The following DNAJC13 variants were observed in gnomAD, a reference collection of about 807,000 sequenced individuals.
The protein encoded by DNAJC13 is dnaJ homolog subfamily C member 13.
In DNAJC13, 75 loss-of-function variants were observed where a neutral mutation model predicts 290.5. The observed-to-expected ratio is 0.26, with a 90% confidence interval of 0.21 to 0.31. The LOEUF (loss-of-function observed/expected upper bound fraction) is 0.31. Among genes scored for constraint, DNAJC13 ranks in the 10% least tolerant of loss-of-function variants. The pLI is 1.00. For synonymous variants in DNAJC13, 862 were observed against 892.0 expected, an observed-to-expected ratio of 0.97 and a Z score of 0.60; for missense variants, 2,260 against 2,674.5, an observed-to-expected ratio of 0.85 and a Z score of 3.42.
intron 5 of DNAJC13, among the ~76,000 whole-genome samples, chr3:132,449,401 G>A (rs1933354739): frequency 6.6e-6 from 1 of 152,134 alleles, no homozygotes; most frequent in South Asian, 2.1e-4. Context: ...ATGTAAACAA[G>A]TATAGTTTGG....
chr3:132,470,694 G>A, intron 20 of DNAJC13, among the ~76,000 whole-genome samples: 1 of 126,800 alleles, frequency 7.9e-6, no homozygotes, highest in Non-Finnish European at 1.7e-5. Flanking sequence ...TCCCGGACGG[G>A]GCGGCTGGCC....
chr3:132,463,429 G>A (rs1237057413), intron 16 of DNAJC13, among the ~76,000 whole-genome samples: 4 of 152,216 alleles, frequency 2.6e-5, no homozygotes, highest in Non-Finnish European at 5.9e-5. Flanking sequence ...CACAGAGGGA[G>A]TGAACCTAGT....
intron 21 of DNAJC13, among the ~76,000 whole-genome samples, chr3:132,474,652 T>C (rs1226557777): frequency 6.6e-6 from 1 of 152,118 alleles, no homozygotes; most frequent in African/African-American, 2.4e-5. Context: ...AGGTTCCTTT[T>C]TTTCCTCAAC....
intron 1 of DNAJC13, among the ~76,000 whole-genome samples, chr3:132,431,468 A>C (rs955809410): frequency 2.1e-4 from 32 of 152,190 alleles, no homozygotes; most frequent in Non-Finnish European, 1.8e-4. Flanking sequence ...ATTTGAACAC[A>C]GATTTGAAGG....
At position 132,496,608 on chromosome 3, in the gene DNAJC13, G is replaced by T. The variant is rs1935241510; in HGVS notation, c.4101G>T (p.Glu1367Asp). 1.9e-6 allele frequency: 3 copies of T among 1,610,802 alleles called. No homozygotes were observed. Among genetic ancestry groups the T allele is most frequent in the African/African-American group, 1.3e-5 (1 of 74,760 alleles). The change falls in exon 36 of 56, where the codon GAG (glutamate) becomes GAT (aspartate). Residue 1367 changes from glutamate (E) to aspartate (D), a missense_variant. Transcript: ENST00000260818. ...AAATAGTGGATGGGCCAGATCCAGA[G>T]AATATAATTTTAATTCTAAAAACAC... ...SAKIVDGPDP[E>D]NIILILKTQS...
intron 2 of DNAJC13, among the ~76,000 whole-genome samples, chr3:132,441,162 A>T (rs766695336): frequency 6.6e-6 from 1 of 152,212 alleles, no homozygotes; most frequent in Non-Finnish European, 1.5e-5. Flanking sequence ...CAGCCTAGGA[A>T]AAAGAATTCG....
At chr3:132,506,045 C>CTTTTTTTTTTTTTTTTTTTTTTTTTTTTT (rs573857472) in intron 42 of DNAJC13, among the ~76,000 whole-genome samples, 2 of 72,676 alleles carry the variant, frequency 2.8e-5, no homozygotes, top group Admixed American at 2.1e-4. Context: ...TGTACATTAT[C>CTTTTTTTTTTTTTTTTTTTTTTTTTTTTT]TTTTTTTTTT....
In DNAJC13 at chr3:132,497,707, A is replaced by T. The variant is rs561036007; in HGVS notation, c.4156+1044A>T. Among the ~76,000 whole-genome samples the T allele has an allele frequency of 4.6e-5, 7 of 152,334 alleles. No homozygotes were observed. In the South Asian group the frequency reaches 1.4e-3, roughly 32 times the overall value. On this transcript the variant is annotated intron_variant, in intron 36 of 55. Coordinates refer to ENST00000260818, the MANE Select transcript of DNAJC13 (RefSeq NM_015268.4). The stretch of plus-strand genomic sequence containing the variant: ...TGATAACTAAATTATTAGCCACAAG[A>T]TACAGTTATGGCCCATCCTGGTTTC...
intron 34 of DNAJC13, 81 bp from the exon 35 acceptor site, chr3:132,495,007 A>G (rs1935188073): frequency 2.1e-6 from 2 of 938,854 alleles, no homozygotes; most frequent in Non-Finnish European, 3.3e-6. Context: ...TTAGATTCTT[A>G]AAATATCATT....
chr3:132,499,850 C>G, intron 38 of DNAJC13, 42 bp downstream of exon 38: 5 of 1,556,664 alleles, frequency 3.2e-6, no homozygotes, highest in Non-Finnish European at 3.5e-6. Flanking sequence ...TGCACTAGTT[C>G]AATGGTTCAG....
chr3:132,453,783 C>A, intron 8 of DNAJC13, 89 bp downstream of exon 8: 1 of 1,111,890 alleles, frequency 9.0e-7, no homozygotes, highest in Non-Finnish European at 1.3e-6. Flanking sequence ...TTACTCATGG[C>A]TAAAGAATAT....
At chr3:132,429,265 G>GTC (rs774117639) in intron 1 of DNAJC13, among the ~76,000 whole-genome samples, 1 of 151,800 alleles carries the variant, frequency 6.6e-6, no homozygotes, top group Non-Finnish European at 1.5e-5. Flanking sequence ...GGAATTTGCA[G>GTC]TCAAATGATA....
chr3:132,436,954 C>G (rs1939401090), intron 2 of DNAJC13, among the ~76,000 whole-genome samples: 1 of 151,314 alleles, frequency 6.6e-6, no homozygotes, highest in Non-Finnish European at 1.5e-5. Context: ...TCTCGGCTCA[C>G]TGCAACCTCT....
Position 132,513,116 on chromosome 3 carries a change from C to G in DNAJC13, c.5385+17C>G. 6.2e-7 allele frequency: 1 copy of G among 1,601,550 alleles called. No individual in the cohort carries two copies. Among genetic ancestry groups the G allele is most frequent in the Non-Finnish European group, 8.6e-7 (1 of 1,168,990 alleles). On this transcript the variant is annotated intron_variant, in intron 45 of 55. Coordinates refer to ENST00000260818, the MANE Select transcript of DNAJC13 (RefSeq NM_015268.4). ...GCTTTAGAGGTAAAAGCGTTTTGTA[C>G]TAAAGCGTGTTGCCTTTCCTACCAC...
intron 39 of DNAJC13, 90 bp from the exon 40 acceptor site, chr3:132,502,199 T>C: frequency 1.7e-6 from 2 of 1,182,370 alleles, no homozygotes; most frequent in Non-Finnish European, 2.3e-6. Flanking sequence ...GTGGTTGGCT[T>C]GACATACATG....
chr3:132,462,871 T>G (rs1933846808), intron 16 of DNAJC13, among the ~76,000 whole-genome samples: 1 of 152,180 alleles, frequency 6.6e-6, no homozygotes, highest in African/African-American at 2.4e-5. Context: ...AGAAATCTAT[T>G]GATGGAGTTA....
chr3:132,510,920 A>AT, intron 43 of DNAJC13, 147 bp from the exon 44 acceptor site: 1 of 793,146 alleles, frequency 1.3e-6, no homozygotes, highest in South Asian at 2.1e-5. Context: ...TGCCCTCTAC[A>AT]TCCCCCCTAT....
In DNAJC13 at chr3:132,463,700, G is replaced by A. The variant is rs1933883259; in HGVS notation, c.1775G>A (p.Gly592Asp). The A allele has an allele frequency of 6.2e-7, 1 of 1,612,174 alleles. No individual in the cohort carries two copies. Among genetic ancestry groups the A allele is most frequent in the Middle Eastern group, 1.7e-4 (1 of 6,052 alleles). ...CATCTTACCCTTTTTCCAAAGGAAGGTGATAAAGAAATTGCTACAAAAATG... is the reference window on the plus strand; with the variant it reads ...CATCTTACCCTTTTTCCAAAGGAAGATGATAAAGAAATTGCTACAAAAATG... ...GLVMKAIIEE[G>D]DKEIATKMQE... The change falls in exon 17 of 56, where the codon GGT (glycine) becomes GAT (aspartate). Residue 592 changes from glycine (G) to aspartate (D), a missense_variant. Coordinates refer to ENST00000260818, the MANE Select transcript of DNAJC13 (RefSeq NM_015268.4).
chr3:132,526,229 G>T lies in DNAJC13; in HGVS notation c.6329G>T (p.Cys2110Phe). The change falls in exon 53 of 56, where the codon TGT (cysteine) becomes TTT (phenylalanine). Residue 2110 changes from cysteine to phenylalanine, a missense_variant. By Grantham distance (205) the Cys-to-Phe change is radical. This residue lies in a region of DNAJC13 where 1,494 missense variants were observed against 1,693.7 expected (regional missense o/e 0.88). Transcript: ENST00000260818. Reference sequence around the variant, plus strand: ...CGAGCAGATACTGTTGGTCTAGCCTGTGAAGCAATTAATCGAATGTTTCAG... The same window carrying T: ...CGAGCAGATACTGTTGGTCTAGCCTTTGAAGCAATTAATCGAATGTTTCAG... ...KKRADTVGLACEAINRMFQKE... is the reference protein window; with the variant it reads ...KKRADTVGLAFEAINRMFQKE... The T allele has an allele frequency of 6.2e-7, 1 of 1,614,068 alleles. No individual in the cohort carries two copies. The highest frequency in any genetic ancestry group is 8.5e-7 in the Non-Finnish European group (1 of 1,179,984).
Sources: gnomAD v4.1 joint callset for allele counts (sites outside exome capture counted in the v4.1 genomes callset) on GRCh38, gnomAD v4.1.1 for gene constraint, gnomAD v4.1.1 regional missense constraint, MANE v1.5 for transcripts, NCBI Gene and HGNC (gene_info 2026-07-23, HGNC 2026-07-21) for gene names.